Variants in CYYR1 observed in about 807,000 individuals in gnomAD.
CYYR1 encodes cysteine and tyrosine-rich protein 1.
CYYR1 carries 14 observed loss-of-function variants against 15.2 expected under a neutral mutation model. The observed-to-expected ratio is 0.92, with a 90% confidence interval of 0.61 to 1.44. CYYR1 has a LOEUF of 1.44. CYYR1 is among the 40% of genes most tolerant of loss of function. The pLI is 0.00. For missense variants in CYYR1, 228 were observed against 209.5 expected, an observed-to-expected ratio of 1.09 and a Z score of -0.54; for synonymous variants, 80 against 77.4, an observed-to-expected ratio of 1.03 and a Z score of -0.18.
intron 2 of CYYR1, among the ~76,000 whole-genome samples, chr21:26,556,123 C>A (rs956239695): frequency 2.6e-5 from 4 of 152,118 alleles, no homozygotes; most frequent in African/African-American, 9.7e-5. Flanking sequence ...TCTATCATTC[C>A]TTTTACTCTG....
intron 2 of CYYR1, among the ~76,000 whole-genome samples, chr21:26,507,869 A>T (rs766394950): frequency 3.3e-5 from 5 of 152,068 alleles, no homozygotes; most frequent in Non-Finnish European, 7.4e-5. Flanking sequence ...TGGGCATTGG[A>T]GCCAGAATGG....
At chr21:26,563,224 G>C (rs1980362936) in intron 2 of CYYR1, among the ~76,000 whole-genome samples, 1 of 151,836 alleles carries the variant, frequency 6.6e-6, no homozygotes, top group African/African-American at 2.4e-5. Flanking sequence ...AAAGAAAAAG[G>C]GCACCTGAAT....
intron 3 of CYYR1, among the ~76,000 whole-genome samples, chr21:26,469,209 C>T (rs572702159): frequency 6.6e-6 from 1 of 152,146 alleles, no homozygotes; most frequent in Admixed American, 6.5e-5. Flanking sequence ...TTCTAACAGT[C>T]CTTGAGCAAC....
intron 2 of CYYR1, among the ~76,000 whole-genome samples, chr21:26,557,072 C>T (rs778518285): frequency 5.3e-5 from 8 of 152,072 alleles, no homozygotes; most frequent in African/African-American, 9.7e-5. Context: ...AGCAGCTATA[C>T]GAAATGACTT....
At chr21:26,508,698 G>A (rs1033617816) in intron 2 of CYYR1, among the ~76,000 whole-genome samples, 1 of 152,152 alleles carries the variant, frequency 6.6e-6, no homozygotes, top group Non-Finnish European at 1.5e-5. Flanking sequence ...CACTCCAAGT[G>A]ATGGTTTCAT....
At chr21:26,499,744 G>A (rs572038788) in intron 2 of CYYR1, among the ~76,000 whole-genome samples, 1 of 152,170 alleles carries the variant, frequency 6.6e-6, no homozygotes, top group African/African-American at 2.4e-5. Context: ...TCAGTGAGTG[G>A]ATCAGACTGG....
intron 2 of CYYR1, among the ~76,000 whole-genome samples, chr21:26,532,407 T>A (rs1270137295): frequency 1.1e-4 from 17 of 152,122 alleles, no homozygotes; most frequent in Non-Finnish European, 2.5e-4. Context: ...AAGCTATTGT[T>A]AAGGAGGCAG....
At chr21:26,520,111 G>GATATATATAT (rs1491365888) in intron 2 of CYYR1, among the ~76,000 whole-genome samples, 1,462 of 82,940 alleles carry the variant, frequency 0.018, 83 homozygotes, top group Middle Eastern at 0.043. Flanking sequence ...AAAAACCCAG[G>GATATATATAT]AGATATATAT....
At chr21:26,529,376 A>G (rs1601796211) in intron 2 of CYYR1, among the ~76,000 whole-genome samples, 1 of 152,358 alleles carries the variant, frequency 6.6e-6, no homozygotes, top group African/African-American at 2.4e-5. Context: ...AGAGTCACAT[A>G]TTAATATACA....
intron 2 of CYYR1, among the ~76,000 whole-genome samples, chr21:26,534,702 T>C (rs2065974248): frequency 6.6e-6 from 1 of 152,154 alleles, no homozygotes; most frequent in East Asian, 1.9e-4. Context: ...CCTTTCAGGC[T>C]TAGAAATGGC....
At chr21:26,476,506 C>G (rs1191365847) in intron 3 of CYYR1, among the ~76,000 whole-genome samples, 1 of 152,042 alleles carries the variant, frequency 6.6e-6, no homozygotes, top group South Asian at 2.1e-4. Flanking sequence ...CTATAACTCC[C>G]TTCTACATTT....
At chr21:26,512,491 G>A (rs548894095) in intron 2 of CYYR1, among the ~76,000 whole-genome samples, 5 of 152,030 alleles carry the variant, frequency 3.3e-5, no homozygotes, top group East Asian at 1.9e-4. Flanking sequence ...GTGAGCCACC[G>A]CGCCCGGCCC....
intron 1 of CYYR1, among the ~76,000 whole-genome samples, chr21:26,567,457 A>G (rs778714897): frequency 4.6e-5 from 7 of 152,198 alleles, no homozygotes; most frequent in African/African-American, 4.8e-5. Context: ...AAAATGTTGG[A>G]TAAAAATTAC....
intron 3 of CYYR1, chr21:26,471,246 A>G (rs1210329203): frequency 6.6e-6 from 1 of 152,202 alleles, no homozygotes; most frequent in African/African-American, 2.4e-5. Flanking sequence ...TCTTATAAGC[A>G]TGTGGTTCTA....
intron 1 of CYYR1, 125 bp downstream of exon 1, chr21:26,572,743 A>T: frequency 8.4e-7 from 1 of 1,195,870 alleles, no homozygotes; most frequent in Non-Finnish European, 1.2e-6. Context: ...CGGAAAAGGC[A>T]GAAGCGTCTG....
At chr21:26,493,426 C>G (rs1181326724) in intron 2 of CYYR1, among the ~76,000 whole-genome samples, 1 of 151,952 alleles carries the variant, frequency 6.6e-6, no homozygotes, top group African/African-American at 2.4e-5. Flanking sequence ...GGCAGTGGGA[C>G]AGGAAAGAAG....
At chr21:26,513,651 A>G (rs1271351748) in intron 2 of CYYR1, among the ~76,000 whole-genome samples, 1 of 152,138 alleles carries the variant, frequency 6.6e-6, no homozygotes, top group Non-Finnish European at 1.5e-5. Context: ...ACCAAGTTCC[A>G]GGGCAGCACA....
intron 2 of CYYR1, among the ~76,000 whole-genome samples, chr21:26,541,749 A>G (rs1441604082): frequency 6.6e-6 from 1 of 152,196 alleles, no homozygotes; most frequent in Admixed American, 6.5e-5. Context: ...GAAAATACAG[A>G]ATTAATTATA....
intron 2 of CYYR1, among the ~76,000 whole-genome samples, chr21:26,542,257 G>T (rs1019757823): frequency 2.1e-5 from 3 of 144,372 alleles, no homozygotes; most frequent in Non-Finnish European, 4.5e-5. Flanking sequence ...GCGGGAGAGA[G>T]AAAGAGAGAG....
Sources: allele counts gnomAD v4.1 joint callset (sites outside exome capture counted in the v4.1 genomes callset), GRCh38; gene constraint gnomAD v4.1.1; transcripts MANE v1.5; gene names NCBI Gene and HGNC (gene_info 2026-07-23, HGNC 2026-07-21).